CELF2: variants seen among roughly 807,000 people sequenced by gnomAD.
CELF2 encodes the protein CUGBP Elav-like family member 2.
Under a neutral mutation model 62.6 loss-of-function variants are expected in CELF2, and 8 were observed. The observed-to-expected ratio is 0.13, with a 90% CI of 0.07 to 0.23. The LOEUF (loss-of-function observed/expected upper bound fraction) is 0.23, where lower values mean the gene tolerates loss of function less well. Ranked by LOEUF, CELF2 falls within the 10% of genes least tolerant of loss-of-function variation. The probability of loss-of-function intolerance (pLI) is 1.00; values close to 1 mark genes in which losing one functional copy is unlikely to be tolerated. For missense variants in CELF2, 333 were observed against 671.0 expected, an observed-to-expected ratio of 0.50 and a Z score of 5.56; for synonymous variants, 258 against 250.0, an observed-to-expected ratio of 1.03 and a Z score of -0.30.
At chr10:11,228,985 G>C (rs529765027) in intron 3 of CELF2, among the ~76,000 whole-genome samples, 1 of 152,280 alleles carries the variant, frequency 6.6e-6, no homozygotes, top group African/African-American at 2.4e-5. Context: ...GACCTGTGCA[G>C]GAAAGTAGGC....
At chr10:10,764,900 G>C in the CELF2 span, among the ~76,000 whole-genome samples, 1 of 152,174 alleles carries the variant, frequency 6.6e-6, no homozygotes, top group Non-Finnish European at 1.5e-5. Context: ...CATGAATTCT[G>C]CCTTGGCCAG....
the CELF2 span, among the ~76,000 whole-genome samples, chr10:10,746,258 C>T: frequency 3.3e-5 from 5 of 152,090 alleles, no homozygotes; most frequent in African/African-American, 4.8e-5. Context: ...TGCAAAACAC[C>T]GGGATAACAG....
At chr10:11,229,223 C>A (rs1213063727) in intron 3 of CELF2, among the ~76,000 whole-genome samples, 1 of 152,212 alleles carries the variant, frequency 6.6e-6, no homozygotes, top group African/African-American at 2.4e-5. Context: ...CCAAGCATGT[C>A]ACCTTAAAGA....
At chr10:10,730,327 AT>A in the CELF2 span, among the ~76,000 whole-genome samples, 1 of 152,118 alleles carries the variant, frequency 6.6e-6, no homozygotes, top group South Asian at 2.1e-4. Context: ...AAATACAAAA[AT>A]TAACTGGGCA....
At chr10:10,608,158 A>AAACC in the CELF2 span, among the ~76,000 whole-genome samples, 14 of 149,228 alleles carry the variant, frequency 9.4e-5, no homozygotes, top group South Asian at 2.5e-3. Flanking sequence ...ACAAACAAAC[A>AAACC]AACCTTCTAA....
At chr10:11,187,803 C>T (rs1179802980) in intron 2 of CELF2, among the ~76,000 whole-genome samples, 1 of 152,062 alleles carries the variant, frequency 6.6e-6, no homozygotes, top group Non-Finnish European at 1.5e-5. Context: ...TTACATTTTG[C>T]TTTTACATGT....
At chr10:11,080,660 G>A (rs546185027) in intron 1 of CELF2, among the ~76,000 whole-genome samples, 1 of 152,336 alleles carries the variant, frequency 6.6e-6, no homozygotes, top group Non-Finnish European at 1.5e-5. Context: ...CAGTGATTTG[G>A]ATATTGAAGG....
At chr10:11,089,017 G>T (rs1291814) in intron 1 of CELF2, among the ~76,000 whole-genome samples, 6 of 152,172 alleles carry the variant, frequency 3.9e-5, no homozygotes, top group African/African-American at 9.7e-5. Flanking sequence ...GCTTCTGTAG[G>T]GGGGAGCCTT....
At chr10:10,803,445 C>G (rs2054875851) in intron 1 of CELF2, among the ~76,000 whole-genome samples, 1 of 152,192 alleles carries the variant, frequency 6.6e-6, no homozygotes, top group African/African-American at 2.4e-5. Context: ...TTTTCATTAG[C>G]TACTCCCTCT....
intron 1 of CELF2, among the ~76,000 whole-genome samples, chr10:10,840,645 C>T (rs1011326796): frequency 5.9e-5 from 9 of 152,064 alleles, no homozygotes; most frequent in African/African-American, 1.9e-4. Context: ...TTTTTCCAAA[C>T]TGTGGCTTGT....
rs150402615 is a variant in CELF2 at position 11,006,375 on chromosome 10, T to C, written c.53+935T>C. Among the ~76,000 whole-genome samples the C allele has an allele frequency of 5.3e-5, 8 of 152,342 alleles. No homozygotes were observed. In the East Asian group the frequency reaches 1.3e-3, roughly 26 times the overall value. On this transcript the variant is annotated intron_variant, in intron 1 of 12. Coordinates refer to the CELF2 transcript ENST00000416382. ...TAAAAAATTTAGTATCTACCGTTCA[T>C]AGAGCTTTTTGCATTCTGCCGCTAT...
the CELF2 span, among the ~76,000 whole-genome samples, chr10:10,562,780 G>A: frequency 1.4e-3 from 174 of 122,586 alleles, no homozygotes; most frequent in African/African-American, 6.5e-3. Flanking sequence ...GGTCAGATAC[G>A]GAGCCTACCT....
chr10:10,936,303 G>A lies in CELF2; in HGVS notation c.89+16304G>A, dbSNP rs2146553. On this transcript the variant is annotated intron_variant, in intron 2 of 13. Transcript: ENST00000636488. The surrounding 1 kb of genome is among the most constrained non-coding windows in gnomAD (Gnocchi z 4.0). ...AACATAAAGATTGTCCAAGATCACAGAGTAATCTGCATAATTGTGCAAAAA... is the reference window on the plus strand; with the variant it reads ...AACATAAAGATTGTCCAAGATCACAAAGTAATCTGCATAATTGTGCAAAAA... Among the ~76,000 whole-genome samples, 101,317 of 152,190 alleles carry A rather than the reference G, an allele frequency of 0.67. 35,460 individuals carry two copies. The highest frequency in any genetic ancestry group is 0.92 in the East Asian group (4,774 of 5,178).
intron 2 of CELF2, among the ~76,000 whole-genome samples, chr10:10,954,232 ATTATTATT>A (rs1159523708): frequency 7.2e-6 from 1 of 139,068 alleles, no homozygotes. Context: ...TATTATTATT[ATTATTATT>A]ATTATTATTA....
In CELF2 at chr10:11,334,988, G is replaced by A. The variant is rs865900383; in HGVS notation, c.*5935G>A. The A allele has an allele frequency of 6.6e-6, 1 of 152,218 alleles. No homozygotes were observed. Among genetic ancestry groups the A allele is most frequent in the Non-Finnish European group, 1.5e-5 (1 of 68,020 alleles). 9.4% of individuals were successfully genotyped at this position (152,218 alleles called of 1,614,324 possible). Reference sequence around the variant, plus strand: ...AGCAGCTTTAATTATTAACACTAACGGAAGAGAAAAGAAGTATTTCCAAGG... The same window carrying A: ...AGCAGCTTTAATTATTAACACTAACAGAAGAGAAAAGAAGTATTTCCAAGG... On this transcript the variant is annotated 3_prime_UTR_variant, in exon 13 of 13. Transcript: ENST00000633077.
At chr10:11,209,951 G>A (rs2061405069) in intron 2 of CELF2, among the ~76,000 whole-genome samples, 1 of 152,178 alleles carries the variant, frequency 6.6e-6, no homozygotes, top group African/African-American at 2.4e-5. Flanking sequence ...TTCGACTTGT[G>A]TGAAGCAGGC....
At chr10:10,724,445 G>A in the CELF2 span, among the ~76,000 whole-genome samples, 1 of 152,048 alleles carries the variant, frequency 6.6e-6, no homozygotes, top group African/African-American at 2.4e-5. Context: ...CATGAGGTCA[G>A]GAGTTCAAGA....
upstream of CELF2, among the ~76,000 whole-genome samples, chr10:11,013,796 G>A (rs902156601): frequency 3.3e-5 from 5 of 152,174 alleles, no homozygotes; most frequent in Admixed American, 6.5e-5. The surrounding 1 kb of genome is among the most constrained non-coding windows in gnomAD (Gnocchi z 4.1). Context: ...TATAATTGGC[G>A]ATATAAATAT....
In CELF2 at chr10:11,125,405, A is replaced by G. The variant is rs187301966; in HGVS notation, c.75-40081A>G. On this transcript the variant is annotated intron_variant, in intron 1 of 12. Transcript: ENST00000633077. Reference sequence around the variant, plus strand: ...GGGTGAAAGCCCTTGGGTATGCTCCATTGATAAAGAGAGGCAGGTTTAGGG... The same window carrying G: ...GGGTGAAAGCCCTTGGGTATGCTCCGTTGATAAAGAGAGGCAGGTTTAGGG... Among the ~76,000 whole-genome samples the G allele has an allele frequency of 2.3e-3, 342 of 151,700 alleles. 1 individual carries two copies. Among genetic ancestry groups the G allele is most frequent in the African/African-American group, 7.5e-3 (311 of 41,324 alleles).
Sources: allele counts gnomAD v4.1 joint callset (sites outside exome capture counted in the v4.1 genomes callset), GRCh38; gene constraint gnomAD v4.1.1; non-coding constraint Gnocchi (gnomAD v3.1); transcripts MANE v1.5; gene names NCBI Gene and HGNC (gene_info 2026-07-23, HGNC 2026-07-21).